The following NFIB variants were observed in gnomAD, a reference collection of about 807,000 sequenced individuals.
The protein encoded by NFIB is nuclear factor I B.
NFIB carries 11 observed loss-of-function variants against 61.5 expected under a neutral mutation model. The observed-to-expected ratio is 0.18, with a 90% CI of 0.11 to 0.30. The LOEUF (loss-of-function observed/expected upper bound fraction) is 0.30. Ranked by LOEUF, NFIB falls within the 10% of genes least tolerant of loss-of-function variation. NFIB has a pLI of 1.00. For synonymous variants in NFIB, 260 were observed against 216.5 expected (o/e 1.20, Z -1.76); for missense variants, 471 against 608.9 (o/e 0.77, Z 2.38).
rs191649929 is a variant in NFIB, at chr9:14,105,118, T to G, written c.1467+7881A>C. On this transcript the variant is annotated intron_variant, in intron 10 of 10. Transcript: ENST00000380953. ...TTGTTTGTTTTACGACCCCCAAAAA[T>G]GTCAAATGGGCTATCTTTGACCATA... 2.5e-3 allele frequency among the ~76,000 whole-genome samples: 388 copies of G among 152,282 alleles called. 8 individuals carry two copies. Among genetic ancestry groups the G allele is most frequent in the Admixed American group, 0.024 (366 of 15,296 alleles).
intron 3 of NFIB, among the ~76,000 whole-genome samples, chr9:14,161,880 T>A (rs1481349957): frequency 6.6e-6 from 1 of 152,168 alleles, no homozygotes; most frequent in East Asian, 1.9e-4. Context: ...AAAGTTGTTT[T>A]GCCAACTTAC....
chr9:14,102,399 G>A (rs1423606015), intron 10 of NFIB: 8 of 1,533,410 alleles, frequency 5.2e-6, no homozygotes, highest in Admixed American at 2.0e-5. Flanking sequence ...TAAGTGTAGG[G>A]TTGGAAATAA....
At chr9:14,245,108 AT>A (rs2054768009) in intron 2 of NFIB, among the ~76,000 whole-genome samples, 2 of 152,176 alleles carry the variant, frequency 1.3e-5, no homozygotes, top group Non-Finnish European at 2.9e-5. Flanking sequence ...CTGTATTTTC[AT>A]TTGCCTGTCA....
At chr9:14,414,303 C>T in the NFIB span, among the ~76,000 whole-genome samples, 2 of 151,750 alleles carry the variant, frequency 1.3e-5, no homozygotes, top group African/African-American at 4.8e-5. Flanking sequence ...GGCGTGGTGG[C>T]ATGTGCCTGT....
At chr9:14,160,008 GCAGAGCAGCTGCTTAATGGTTA>G (rs1280617598) in intron 3 of NFIB, among the ~76,000 whole-genome samples, 1 of 152,120 alleles carries the variant, frequency 6.6e-6, no homozygotes. Context: ...CATCTCTGAG[GCAGAGCAGCTGCTTAATGGTTA>G]CAGAGCAATA....
At chr9:14,449,795 A>T in the NFIB span, among the ~76,000 whole-genome samples, 1 of 151,866 alleles carries the variant, frequency 6.6e-6, no homozygotes, top group African/African-American at 2.4e-5. Flanking sequence ...TTAGCCAGAC[A>T]TGGTGGTGCA....
chr9:14,469,677 C>T, the NFIB span, among the ~76,000 whole-genome samples: 7 of 152,146 alleles, frequency 4.6e-5, no homozygotes, highest in Non-Finnish European at 7.4e-5. Flanking sequence ...CTACCACTGT[C>T]TTGTATTCCC....
At chr9:14,176,563 A>C (rs2046215993) in intron 3 of NFIB, among the ~76,000 whole-genome samples, 1 of 152,212 alleles carries the variant, frequency 6.6e-6, no homozygotes, top group Non-Finnish European at 1.5e-5. Context: ...ACAAAAAATT[A>C]CTTAAATATT....
intron 10 of NFIB, chr9:14,094,130 C>A (rs980123315): frequency 1.3e-5 from 2 of 152,004 alleles, no homozygotes; most frequent in Non-Finnish European, 2.9e-5. Context: ...GATTTGAATT[C>A]GAGCAATGTC....
At chr9:14,256,841 T>A (rs1380068792) in intron 2 of NFIB, among the ~76,000 whole-genome samples, 2 of 152,186 alleles carry the variant, frequency 1.3e-5, no homozygotes, top group Admixed American at 6.5e-5. Context: ...CTGAGGCCGT[T>A]AACTTCCTGA....
chr9:14,112,015 A>G (rs1267376295), intron 10 of NFIB, among the ~76,000 whole-genome samples: 1 of 152,206 alleles, frequency 6.6e-6, no homozygotes, highest in African/African-American at 2.4e-5. Context: ...GAATGAAGTA[A>G]GTGGGCAAAA....
At chr9:14,271,599 C>T (rs2057630059) in intron 2 of NFIB, among the ~76,000 whole-genome samples, 3 of 152,082 alleles carry the variant, frequency 2.0e-5, no homozygotes, top group African/African-American at 7.2e-5. Context: ...ATGCTTCCAC[C>T]TTTCAGAGAC....
chr9:14,233,459 A>C (rs1587811628), intron 2 of NFIB, among the ~76,000 whole-genome samples: 2 of 124,546 alleles, frequency 1.6e-5, no homozygotes, highest in Non-Finnish European at 3.2e-5. Flanking sequence ...ATGGAGTCTC[A>C]CTCTGTCGCC....
intron 1 of NFIB, among the ~76,000 whole-genome samples, chr9:14,338,772 T>C (rs1303466591): frequency 1.3e-5 from 2 of 152,132 alleles, no homozygotes; most frequent in Non-Finnish European, 2.9e-5. Flanking sequence ...TCTTTCTCTT[T>C]CCTTTATGTT....
chr9:14,112,872 G>A (rs1248383394), intron 10 of NFIB, 127 bp downstream of exon 10: 1 of 734,132 alleles, frequency 1.4e-6, no homozygotes, highest in East Asian at 2.8e-5. Context: ...TCTGGGAAAT[G>A]AAATGATCAG....
At chr9:14,366,363 C>G (rs112182706) in intron 1 of NFIB, among the ~76,000 whole-genome samples, 1 of 152,202 alleles carries the variant, frequency 6.6e-6, no homozygotes. Context: ...CCTATGAAGT[C>G]AATAAAACTC....
intron 1 of NFIB, among the ~76,000 whole-genome samples, chr9:14,395,432 T>C (rs1397932530): frequency 1.3e-5 from 2 of 151,562 alleles, no homozygotes; most frequent in Non-Finnish European, 1.5e-5. Flanking sequence ...AGTGTCCCAA[T>C]ACCAGCTCTG....
At chr9:14,232,738 C>G (rs933396147) in intron 2 of NFIB, among the ~76,000 whole-genome samples, 1 of 152,156 alleles carries the variant, frequency 6.6e-6, no homozygotes, top group East Asian at 1.9e-4. Flanking sequence ...TTCTATGACT[C>G]TTAAGTGATT....
intron 1 of NFIB, among the ~76,000 whole-genome samples, chr9:14,379,569 G>A (rs1432566671): frequency 2.6e-5 from 4 of 152,138 alleles, no homozygotes. Context: ...TTATGTCACT[G>A]TGGTATTATA....
Sources: gnomAD v4.1 joint callset for allele counts (sites outside exome capture counted in the v4.1 genomes callset) on GRCh38, gnomAD v4.1.1 for gene constraint, MANE v1.5 for transcripts, NCBI Gene and HGNC (gene_info 2026-07-23, HGNC 2026-07-21) for gene names.